PDZD2: variants seen among roughly 807,000 people sequenced by gnomAD.
PDZD2 encodes PDZ domain-containing protein 2.
A neutral mutation model predicts 220.7 loss-of-function variants in PDZD2; 90 were observed. The observed-to-expected ratio is 0.41, with a 90% CI of 0.34 to 0.49. PDZD2 has a LOEUF of 0.49. Ranked by LOEUF, PDZD2 falls within the 20% of genes least tolerant of loss-of-function variation. The probability of loss-of-function intolerance (pLI) is 0.28; values close to 1 mark genes in which losing one functional copy is unlikely to be tolerated. For missense variants in PDZD2, 3,174 were observed against 3,608.5 expected (o/e 0.88, Z 3.08); for synonymous variants, 1,375 against 1,450.5 (o/e 0.95, Z 1.18).
chr5:32,033,811 G>A (rs1755313969), intron 6 of PDZD2, among the ~76,000 whole-genome samples: 2 of 152,190 alleles, frequency 1.3e-5, no homozygotes, highest in South Asian at 2.1e-4. Context: ...TAGAGATGGG[G>A]TTTCGCCATG....
intron 1 of PDZD2, chr5:31,738,270 C>G (rs1241178824): frequency 6.6e-6 from 1 of 152,294 alleles, no homozygotes; most frequent in East Asian, 1.9e-4. Context: ...TCTTGATGAT[C>G]CTTGGAGGGG....
At chr5:31,909,940 T>A (rs1743019967) in intron 2 of PDZD2, among the ~76,000 whole-genome samples, 1 of 152,222 alleles carries the variant, frequency 6.6e-6, no homozygotes, top group South Asian at 2.1e-4. Context: ...CATATAACCC[T>A]GCCACAGTTC....
At chr5:31,968,906 A>C (rs78333362) in intron 2 of PDZD2, among the ~76,000 whole-genome samples, 536 of 152,320 alleles carry the variant, frequency 3.5e-3, no homozygotes, top group African/African-American at 0.012. Context: ...AAACGAAAAC[A>C]TGTCATATAC....
In PDZD2 at chr5:31,991,766, C is replaced by T. The variant is rs559887460; in HGVS notation, c.979-3810C>T. On this transcript the variant is annotated intron_variant, in intron 3 of 24. Coordinates refer to ENST00000438447, the MANE Select transcript of PDZD2 (RefSeq NM_178140.4). ...ATTGTGGGCCCGGCACGGTGGCTCA[C>T]GCCTGTAATCTCAGCACTTTGGGAG... Among the ~76,000 whole-genome samples the T allele has an allele frequency of 7.2e-5, 11 of 152,272 alleles. 1 individual carries two copies. In the South Asian group the frequency reaches 2.1e-3, roughly 29 times the overall value.
chr5:31,714,759 A>G (rs1050967066), intron 1 of PDZD2, among the ~76,000 whole-genome samples: 20 of 152,138 alleles, frequency 1.3e-4, no homozygotes, highest in African/African-American at 4.3e-4. Context: ...CTTTATTTCT[A>G]AGAAATAAAA....
At chr5:32,036,010 C>A (rs1323672075) in intron 6 of PDZD2, among the ~76,000 whole-genome samples, 1 of 152,038 alleles carries the variant, frequency 6.6e-6, no homozygotes, top group Non-Finnish European at 1.5e-5. Context: ...GTAGCGTGAT[C>A]TCGGCTCACT....
intron 1 of PDZD2, among the ~76,000 whole-genome samples, chr5:31,721,965 G>A (rs1748828558): frequency 6.6e-6 from 1 of 151,956 alleles, no homozygotes; most frequent in Non-Finnish European, 1.5e-5. Flanking sequence ...ACATAGCCCA[G>A]CCTTCGTTCC....
chr5:32,050,119 C>T (rs1481382394), intron 8 of PDZD2, among the ~76,000 whole-genome samples: 1 of 151,984 alleles, frequency 6.6e-6, no homozygotes, highest in Non-Finnish European at 1.5e-5. Flanking sequence ...TTAGTAGAGA[C>T]GGGGTTTCAT....
At chr5:31,737,573 C>G (rs958250097) in intron 1 of PDZD2, among the ~76,000 whole-genome samples, 2 of 152,124 alleles carry the variant, frequency 1.3e-5, no homozygotes, top group African/African-American at 4.8e-5. Flanking sequence ...AAATGGGGAC[C>G]AGAATGGCCA....
intron 1 of PDZD2, among the ~76,000 whole-genome samples, chr5:31,765,586 A>C (rs1175046321): frequency 6.6e-6 from 1 of 152,190 alleles, no homozygotes; most frequent in Non-Finnish European, 1.5e-5. Flanking sequence ...GAAGTGAGAA[A>C]GCTGTGTAGC....
At chr5:31,919,732 G>A (rs1345436867) in intron 2 of PDZD2, among the ~76,000 whole-genome samples, 3 of 111,722 alleles carry the variant, frequency 2.7e-5, no homozygotes, top group African/African-American at 1.0e-4. Context: ...AAAAAAAAAG[G>A]CCAGGCACAG....
intron 2 of PDZD2, among the ~76,000 whole-genome samples, chr5:31,818,736 A>G (rs572123717): frequency 4.2e-4 from 64 of 152,128 alleles, no homozygotes; most frequent in Non-Finnish European, 8.1e-4. Context: ...ACTAATTTTT[A>G]TTTATTTCAA....
rs916192356 is a variant in PDZD2, at chr5:31,943,538, C to T, written c.477-39617C>T. Among the ~76,000 whole-genome samples, 15 of 152,264 alleles carry T rather than the reference C, an allele frequency of 9.9e-5. 1 individual carries two copies. The highest frequency in any genetic ancestry group is 9.2e-4 in the Admixed American group (14 of 15,300). On this transcript the variant is annotated intron_variant, in intron 2 of 24. Transcript: ENST00000438447. ...AGAATGTAACATGGGAATGTACATT[C>T]GGAATGTAATATTTCTGCTTCAGAA...
At chr5:32,015,005 A>G (rs1753678404) in intron 6 of PDZD2, among the ~76,000 whole-genome samples, 1 of 141,570 alleles carries the variant, frequency 7.1e-6, no homozygotes, top group African/African-American at 2.7e-5. Flanking sequence ...GTAGTGGCGC[A>G]ATCTCGGTTC....
At position 32,090,963 on chromosome 5, in the gene PDZD2, G is replaced by C. The variant is rs564769668; in HGVS notation, c.7515G>C (p.Pro2505=). 21 of 1,613,726 alleles carry C rather than the reference G, an allele frequency of 1.3e-5. No homozygotes were observed. Among genetic ancestry groups the C allele is most frequent in the Non-Finnish European group, 1.7e-5 (20 of 1,179,954 alleles). The change falls in exon 20 of 25, where the codon CCG becomes CCC. Residue 2505 remains proline, a synonymous_variant. Transcript: ENST00000438447. This position sits in a 1 kb window ranked among gnomAD's most constrained non-coding sequence, Gnocchi z 4.3. Reference sequence around the variant, plus strand: ...GCAGCGAGGATTACTCAGCAGGGCCGAGCGCCGTGCTCTTCAAAACTGAGC... The same window carrying C: ...GCAGCGAGGATTACTCAGCAGGGCCCAGCGCCGTGCTCTTCAAAACTGAGC... ...KLCSEDYSAG[P]SAVLFKTELE...
intron 6 of PDZD2, among the ~76,000 whole-genome samples, chr5:32,016,518 G>A (rs992625048): frequency 3.3e-5 from 5 of 152,192 alleles, no homozygotes; most frequent in Non-Finnish European, 5.9e-5. Flanking sequence ...GAGTAGTACT[G>A]TTAATCCTGA....
At chr5:31,712,207 T>A (rs1051212503) in intron 1 of PDZD2, 26 of 152,248 alleles carry the variant, frequency 1.7e-4, no homozygotes, top group African/African-American at 6.0e-4. Flanking sequence ...GTTGCTGCAG[T>A]AGAACCCATG....
intron 1 of PDZD2, among the ~76,000 whole-genome samples, chr5:31,737,566 T>C (rs1423921964): frequency 6.6e-6 from 1 of 152,180 alleles, no homozygotes; most frequent in Non-Finnish European, 1.5e-5. Flanking sequence ...AGATGCTAAA[T>C]GGGGACCAGA....
chr5:31,853,880 A>T (rs1000082684), intron 2 of PDZD2, among the ~76,000 whole-genome samples: 1 of 152,198 alleles, frequency 6.6e-6, no homozygotes, highest in South Asian at 2.1e-4. Flanking sequence ...GTTTGCACTG[A>T]GATTGGTGCC....
Sources: gnomAD v4.1 joint callset for allele counts (sites outside exome capture counted in the v4.1 genomes callset) on GRCh38, gnomAD v4.1.1 for gene constraint, Gnocchi (gnomAD v3.1) non-coding constraint, MANE v1.5 for transcripts, NCBI Gene and HGNC (gene_info 2026-07-23, HGNC 2026-07-21) for gene names.